The following LRRC4C variants were observed in gnomAD, a reference collection of about 807,000 sequenced individuals.
LRRC4C encodes leucine rich repeat containing 4C.
A neutral mutation model predicts 33.6 loss-of-function variants in LRRC4C; 5 were observed. That is an observed-to-expected ratio of 0.15 (90% CI 0.08 to 0.31). The LOEUF (loss-of-function observed/expected upper bound fraction) is 0.31. Ranked by LOEUF, LRRC4C falls within the 10% of genes least tolerant of loss-of-function variation. The pLI is 1.00. For missense variants in LRRC4C, 560 were observed against 796.7 expected (o/e 0.70, Z 3.58); for synonymous variants, 329 against 302.0 (o/e 1.09, Z -0.93).
At chr11:40,732,811 C>T (rs902107601) in intron 2 of LRRC4C, among the ~76,000 whole-genome samples, 7 of 152,104 alleles carry the variant, frequency 4.6e-5, no homozygotes, top group African/African-American at 1.7e-4. Context: ...ATGAGGTATG[C>T]CAAGTACTTA....
chr11:40,365,109 G>T (rs371403542), intron 3 of LRRC4C, among the ~76,000 whole-genome samples: 1 of 136,670 alleles, frequency 7.3e-6, no homozygotes, highest in African/African-American at 2.7e-5. Context: ...GATCCACAAA[G>T]AAAAAAAAAA....
chr11:40,133,631 G>A (rs1159275932), intron 6 of LRRC4C, among the ~76,000 whole-genome samples: 1 of 152,090 alleles, frequency 6.6e-6, no homozygotes, highest in Admixed American at 6.5e-5. Flanking sequence ...TTGTAACAGG[G>A]TACTGAGACA....
intron 2 of LRRC4C, among the ~76,000 whole-genome samples, chr11:40,698,723 C>T (rs1286927469): frequency 6.6e-6 from 1 of 152,088 alleles, no homozygotes; most frequent in East Asian, 1.9e-4. Context: ...GTTTAATAAA[C>T]TCATAGTTCC....
chr11:40,884,630 TAC>T (rs1201094763), intron 2 of LRRC4C, among the ~76,000 whole-genome samples: 1 of 152,132 alleles, frequency 6.6e-6, no homozygotes, highest in East Asian at 1.9e-4. Context: ...GTTATTACTA[TAC>T]AGTTATTTCT....
intron 1 of LRRC4C, among the ~76,000 whole-genome samples, chr11:41,076,768 G>C (rs532691541): frequency 6.6e-5 from 10 of 152,048 alleles, no homozygotes; most frequent in Non-Finnish European, 7.4e-5. Context: ...GTCCCCCAAG[G>C]TCTTAACTTA....
chr11:40,728,075 T>C (rs1947374311), intron 2 of LRRC4C, among the ~76,000 whole-genome samples: 1 of 151,746 alleles, frequency 6.6e-6, no homozygotes, highest in South Asian at 2.1e-4. Context: ...ATAAGTGAAA[T>C]ACAAATCAAA....
chr11:41,193,928 G>T (rs556280363), intron 1 of LRRC4C, among the ~76,000 whole-genome samples: 2 of 151,990 alleles, frequency 1.3e-5, no homozygotes, highest in Admixed American at 1.3e-4. Context: ...GAGAAATTGT[G>T]ATTTTTTTCA....
At chr11:41,109,095 C>A (rs1804823756) in intron 1 of LRRC4C, among the ~76,000 whole-genome samples, 1 of 152,050 alleles carries the variant, frequency 6.6e-6, no homozygotes, top group South Asian at 2.1e-4. Context: ...TTTAACTGAT[C>A]TAACTGATAT....
At chr11:41,055,120 G>T (rs182031702) in intron 1 of LRRC4C, among the ~76,000 whole-genome samples, 1 of 151,952 alleles carries the variant, frequency 6.6e-6, no homozygotes, top group Non-Finnish European at 1.5e-5. Context: ...TTTCCTCAGA[G>T]GTTATCATTA....
intron 3 of LRRC4C, among the ~76,000 whole-genome samples, chr11:40,601,331 CCTT>C (rs1197768682): frequency 6.6e-6 from 1 of 152,190 alleles, no homozygotes; most frequent in Non-Finnish European, 1.5e-5. Flanking sequence ...TCAAGTATCT[CCTT>C]CTTCATGGCC....
chr11:40,184,572 T>C (rs543019638), intron 5 of LRRC4C, among the ~76,000 whole-genome samples: 1 of 152,276 alleles, frequency 6.6e-6, no homozygotes, highest in South Asian at 2.1e-4. Context: ...TCTGTGGCAG[T>C]CTTGGGGAGG....
At chr11:40,905,795 T>C (rs1226530361) in intron 2 of LRRC4C, among the ~76,000 whole-genome samples, 6 of 152,228 alleles carry the variant, frequency 3.9e-5, no homozygotes, top group African/African-American at 1.4e-4. Context: ...AGATAGAATC[T>C]ACTCCTGGCA....
Position 40,264,857 on chromosome 11 carries a change from A to G in LRRC4C, c.-175-23259T>C, listed in dbSNP as rs369013619. Among the ~76,000 whole-genome samples, 6 of 152,282 alleles carry G rather than the reference A, an allele frequency of 3.9e-5. No homozygotes were observed. The East Asian group carries it at 9.7e-4, about 24-fold the overall frequency. On this transcript the variant is annotated intron_variant, in intron 4 of 6. Transcript: ENST00000528697. The stretch of plus-strand genomic sequence containing the variant: ...TGCCCATCTCTTTCAAATTTCAGAG[A>G]CTTGTAACATACACAGATCATCCAT...
chr11:41,448,874 T>G (rs1564959216), intron 1 of LRRC4C, among the ~76,000 whole-genome samples: 1 of 152,354 alleles, frequency 6.6e-6, no homozygotes, highest in East Asian at 1.9e-4. Flanking sequence ...ATGTAAACTT[T>G]TAAACACATA....
intron 1 of LRRC4C, among the ~76,000 whole-genome samples, chr11:41,000,049 G>A (rs189110951): frequency 1.5e-4 from 23 of 152,178 alleles, no homozygotes; most frequent in African/African-American, 4.6e-4. Flanking sequence ...AGAGAAGGTT[G>A]TAAAAAACCT....
At chr11:40,352,493 GT>G (rs1225776807) in intron 3 of LRRC4C, among the ~76,000 whole-genome samples, 2 of 151,576 alleles carry the variant, frequency 1.3e-5, no homozygotes, top group African/African-American at 2.4e-5. Context: ...AAGTTTTAGG[GT>G]ACATGTGCAC....
At chr11:40,186,503 A>G (rs1354203597) in intron 5 of LRRC4C, among the ~76,000 whole-genome samples, 1 of 152,180 alleles carries the variant, frequency 6.6e-6, no homozygotes, top group African/African-American at 2.4e-5. Context: ...CAAAGCACAA[A>G]GCTTTTTCTT....
intron 3 of LRRC4C, among the ~76,000 whole-genome samples, chr11:40,542,083 C>A (rs1364834867): frequency 7.0e-6 from 1 of 142,024 alleles, no homozygotes; most frequent in Admixed American, 7.3e-5. Context: ...TCTTTTCTTT[C>A]TCTTTCTTTT....
chr11:41,235,645 T>C (rs545621897), intron 1 of LRRC4C, among the ~76,000 whole-genome samples: 1 of 152,264 alleles, frequency 6.6e-6, no homozygotes, highest in East Asian at 1.9e-4. Context: ...TACACAGTTT[T>C]TTAAAACGTA....
Sources: allele counts gnomAD v4.1 joint callset (sites outside exome capture counted in the v4.1 genomes callset), GRCh38; gene constraint gnomAD v4.1.1; transcripts MANE v1.5; gene names NCBI Gene and HGNC (gene_info 2026-07-23, HGNC 2026-07-21).